Variants in MEG3 observed in about 807,000 individuals in gnomAD.
MEG3 encodes Very putative protein from MEG3 locus.
chr14:100,840,500 T>C lies in MEG3; in HGVS notation n.3045+4200T>C, dbSNP rs554244822. On this transcript the variant is annotated intron_variant and non_coding_transcript_variant, in intron 2 of 3. Coordinates refer to the MEG3 transcript ENST00000398461. ...GCGCCCTTTCAATGGAAGGTGCCTT[T>C]TTTTCCAGATGAAAAGAAGAAAACG... Among the ~76,000 whole-genome samples, 18 of 123,170 alleles carry C rather than the reference T, an allele frequency of 1.5e-4. No homozygotes were observed. The South Asian group carries it at 4.2e-3, about 29-fold the overall frequency. The allele number at this position is 123,170 out of a possible 152,430, so 80.8% of individuals were successfully genotyped here.
At chr14:100,842,957 G>A (rs1449065576) in intron 2 of MEG3, among the ~76,000 whole-genome samples, 1 of 152,178 alleles carries the variant, frequency 6.6e-6, no homozygotes, top group Admixed American at 6.5e-5. Flanking sequence ...GTTCCAGACA[G>A]TGACTCATCT....
At chr14:100,852,175 G>T in intron 3 of MEG3, 1 of 371,786 alleles carries the variant, frequency 2.7e-6, no homozygotes, top group South Asian at 1.9e-5. Context: ...GGGAGTGCGG[G>T]CGCAGGCATG....
At chr14:100,852,191 G>A in intron 3 of MEG3, 1 of 388,180 alleles carries the variant, frequency 2.6e-6, no homozygotes, top group South Asian at 1.9e-5. Flanking sequence ...GCATGGATGG[G>A]GCTGTTAGCT....
intron 1 of MEG3, chr14:100,835,932 G>A: frequency 3.2e-6 from 1 of 316,018 alleles, no homozygotes; most frequent in South Asian, 2.7e-5. Flanking sequence ...GAGAGTCCTG[G>A]GCTCTGCCCC....
intron 2 of MEG3, among the ~76,000 whole-genome samples, chr14:100,841,227 C>T (rs2037749690): frequency 6.6e-6 from 1 of 152,222 alleles, no homozygotes; most frequent in African/African-American, 2.4e-5. Context: ...CTTGGCTGGT[C>T]ACTGACTTTG....
At chr14:100,843,709 T>G (rs1595284454) in intron 2 of MEG3, among the ~76,000 whole-genome samples, 1 of 151,410 alleles carries the variant, frequency 6.6e-6, no homozygotes, top group African/African-American at 2.4e-5. Context: ...GCAGCAGGGG[T>G]GGCCCAGATG....
At position 100,838,907 on chromosome 14, in the gene MEG3, C is replaced by T. The variant is rs148948171; in HGVS notation, n.3045+2607C>T. Among the ~76,000 whole-genome samples the T allele has an allele frequency of 2.0e-3, 297 of 152,258 alleles. 1 individual carries two copies. The highest frequency in any genetic ancestry group is 2.7e-3 in the Non-Finnish European group (181 of 68,012). ...GAGTTGCTCATTGCTGCTTTCAGGG[C>T]CCCTGACCTCATGCCTCCTGAGTTG... On this transcript the variant is annotated intron_variant and non_coding_transcript_variant, in intron 2 of 3. Coordinates refer to the MEG3 transcript ENST00000398461.
At chr14:100,839,026 A>T (rs1398746779) in intron 2 of MEG3, among the ~76,000 whole-genome samples, 1 of 152,204 alleles carries the variant, frequency 6.6e-6, no homozygotes, top group Non-Finnish European at 1.5e-5. Context: ...TGTGTTTCTT[A>T]TTCATTCATT....
chr14:100,850,833 G>A (rs1050878860), intron 3 of MEG3: 1 of 152,258 alleles, frequency 6.6e-6, no homozygotes, highest in Non-Finnish European at 1.5e-5. Flanking sequence ...AGATCTAAAT[G>A]GATGAACGAA....
intron 2 of MEG3, among the ~76,000 whole-genome samples, chr14:100,836,930 G>C (rs550130440): frequency 1.3e-5 from 2 of 152,350 alleles, no homozygotes; most frequent in South Asian, 4.1e-4. Context: ...AGCAATGGTA[G>C]AGAAGAAGAA....
intron 3 of MEG3, chr14:100,846,649 C>T (rs2037925790): frequency 1.3e-5 from 2 of 152,128 alleles, no homozygotes; most frequent in Non-Finnish European, 2.9e-5. Flanking sequence ...AATGAATAAA[C>T]AAGTAAATAG....
chr14:100,852,089 G>A (rs1416517721), intron 3 of MEG3: 4 of 319,728 alleles, frequency 1.3e-5, no homozygotes, highest in South Asian at 2.4e-5. Context: ...GGGAGGCAGG[G>A]GAGTGGGGTG....
At chr14:100,855,525 G>A (rs1427582229), upstream of MEG3, 3 of 152,218 alleles carry the variant, frequency 2.0e-5, no homozygotes, top group African/African-American at 7.2e-5. Flanking sequence ...ACCCATGAGC[G>A]GAGAAGTCCT....
intron 1 of MEG3, chr14:100,828,657 C>G (rs980749762): frequency 2.0e-5 from 3 of 151,246 alleles, no homozygotes; most frequent in African/African-American, 7.4e-5. Context: ...CGGTGCTGGC[C>G]GTTAGAGGTC....
At chr14:100,844,998 A>AT (rs1209166991) in intron 2 of MEG3, among the ~76,000 whole-genome samples, 13 of 152,112 alleles carry the variant, frequency 8.5e-5, no homozygotes, top group Admixed American at 7.8e-4. Context: ...CTGCCCATTA[A>AT]TAGCCCTGCA....
At chr14:100,855,794 G>C (rs1489330193), upstream of MEG3, 1 of 152,210 alleles carries the variant, frequency 6.6e-6, no homozygotes, top group Non-Finnish European at 1.5e-5. Context: ...CTTGTGTGTC[G>C]GTGACAAGGC....
chr14:100,837,699 A>ACGCAGCCT lies in MEG3; in HGVS notation n.3045+1402_3045+1409dup, dbSNP rs2037629775. 1.3e-5 allele frequency among the ~76,000 whole-genome samples: 2 copies of ACGCAGCCT among 150,716 alleles called. No individual in the cohort carries two copies. Among genetic ancestry groups the ACGCAGCCT allele is most frequent in the African/African-American group, 2.5e-5 (1 of 40,740 alleles). On this transcript the variant is annotated intron_variant and non_coding_transcript_variant, in intron 2 of 3. Coordinates refer to the MEG3 transcript ENST00000398461. This position sits in a 1 kb window ranked among gnomAD's most constrained non-coding sequence, Gnocchi z 5.8. ...ACCCCCGGAGTGTCTCTGGTTTCCGACGCAGCCTCGTAATGCTCTTTAATC... is the reference window on the plus strand; with the variant it reads ...ACCCCCGGAGTGTCTCTGGTTTCCGACGCAGCCTCGCAGCCTCGTAATGCTCTTTAATC...
downstream of MEG3, chr14:100,830,076 G>T (rs1349649029): frequency 6.6e-6 from 1 of 152,210 alleles, no homozygotes; most frequent in Non-Finnish European, 1.5e-5. Context: ...AGGGGTTGGA[G>T]TTGGACCCAG....
intron 1 of MEG3, among the ~76,000 whole-genome samples, chr14:100,826,838 C>T (rs1400637726): frequency 2.0e-5 from 3 of 152,174 alleles, no homozygotes; most frequent in African/African-American, 4.8e-5. Flanking sequence ...CCGATATCAT[C>T]TGGTTCTGCC....
Sources: allele counts gnomAD v4.1 joint callset (sites outside exome capture counted in the v4.1 genomes callset), GRCh38; gene constraint gnomAD v4.1.1; non-coding constraint Gnocchi (gnomAD v3.1); transcripts MANE v1.5; gene names NCBI Gene and HGNC (gene_info 2026-07-23, HGNC 2026-07-21).